The following CUX1 variants were observed in gnomAD, a reference collection of about 807,000 sequenced individuals.
CUX1 encodes cut like homeobox 1.
In CUX1, 31 loss-of-function variants were observed where a neutral mutation model predicts 158.8. The ratio of observed to expected loss-of-function variants is 0.20; its 90% CI spans 0.15 to 0.26. The LOEUF is 0.26. Ranked by LOEUF, CUX1 falls within the 10% of genes least tolerant of loss-of-function variation. The probability of loss-of-function intolerance (pLI) is 1.00; values close to 1 mark genes in which losing one functional copy is unlikely to be tolerated. For synonymous variants in CUX1, 879 were observed against 862.1 expected (o/e 1.02, Z -0.34); for missense variants, 1,589 against 2,014.6 (o/e 0.79, Z 4.04).
chr7:102,189,338 A>C (rs902762557), intron 11 of CUX1, among the ~76,000 whole-genome samples: 14 of 145,634 alleles, frequency 9.6e-5, no homozygotes, highest in African/African-American at 3.5e-4. Flanking sequence ...CACCTCTGCA[A>C]AGATTCTTCC....
intron 1 of CUX1, among the ~76,000 whole-genome samples, chr7:101,829,979 C>T (rs558120993): frequency 2.8e-4 from 43 of 152,312 alleles, no homozygotes; most frequent in African/African-American, 1.0e-3. Context: ...GTCATGGGGC[C>T]GGAGGGGCCC....
intron 1 of CUX1, among the ~76,000 whole-genome samples, chr7:101,905,990 CTT>C (rs748165561): frequency 2.1e-5 from 3 of 145,036 alleles, no homozygotes; most frequent in Non-Finnish European, 4.6e-5. Context: ...GCCCAGCTAA[CTT>C]TTTTTTTTTT....
chr7:101,907,242 C>T (rs565308954), intron 1 of CUX1, among the ~76,000 whole-genome samples: 9 of 152,166 alleles, frequency 5.9e-5, no homozygotes, highest in Non-Finnish European at 1.0e-4. Flanking sequence ...TGCAGCGTTA[C>T]GCAGGAGCAC....
chr7:101,900,242 C>T (rs371180643), intron 1 of CUX1, among the ~76,000 whole-genome samples: 43 of 152,280 alleles, frequency 2.8e-4, no homozygotes, highest in African/African-American at 9.6e-4. Context: ...ATCGCATCTC[C>T]GCTCTTGGCA....
chr7:101,865,482 G>A (rs571230952), intron 1 of CUX1, among the ~76,000 whole-genome samples: 1 of 152,342 alleles, frequency 6.6e-6, no homozygotes, highest in Admixed American at 6.5e-5. Context: ...ACTGTGTGGA[G>A]TTATCATGTT....
At chr7:101,892,587 T>G (rs1279322363) in intron 1 of CUX1, among the ~76,000 whole-genome samples, 1 of 152,226 alleles carries the variant, frequency 6.6e-6, no homozygotes, top group South Asian at 2.1e-4. Flanking sequence ...AGAATGTGAC[T>G]GTTTAATTGA....
chr7:101,854,168 C>G (rs113420336), intron 1 of CUX1, among the ~76,000 whole-genome samples: 1 of 152,118 alleles, frequency 6.6e-6, no homozygotes, highest in African/African-American at 2.4e-5. Context: ...AACTGGATGT[C>G]GGACAATTCT....
At chr7:102,034,751 C>CAA (rs33994794) in intron 3 of CUX1, among the ~76,000 whole-genome samples, 92,699 of 117,558 alleles carry the variant, frequency 0.79, 36,339 homozygotes, top group East Asian at 0.95. Flanking sequence ...GACTCCGTCT[C>CAA]AAAAAAAAAA....
At position 101,947,053 on chromosome 7, in the gene CUX1, TA is replaced by T. The variant is rs1000504326; in HGVS notation, c.141+30829del. On this transcript the variant is annotated intron_variant, in intron 2 of 23. Coordinates refer to ENST00000292535, the MANE Select transcript of CUX1 (RefSeq NM_181552.4). Reference sequence around the variant, plus strand: ...AGTGGAAGTAGGTCCCAAGAACTTTTATTTTAAATGTTTTGATGACAGATTT... The same window carrying T: ...AGTGGAAGTAGGTCCCAAGAACTTTTTTTTAAATGTTTTGATGACAGATTT... Among the ~76,000 whole-genome samples, 28 of 152,340 alleles carry T rather than the reference TA, an allele frequency of 1.8e-4. No individual in the cohort carries two copies. In the East Asian group the frequency reaches 2.5e-3, roughly 14 times the overall value.
intron 20 of CUX1, among the ~76,000 whole-genome samples, chr7:102,216,532 C>CCACACACACACACCCCCCCACACA (rs1797077335): frequency 1.1e-5 from 1 of 88,376 alleles, no homozygotes; most frequent in Non-Finnish European, 2.2e-5. Flanking sequence ...ACACTCTCCC[C>CCACACACACACACCCCCCCACACA]CCCACACACA....
At chr7:102,070,093 GA>G (rs1825964929) in intron 3 of CUX1, among the ~76,000 whole-genome samples, 1 of 152,138 alleles carries the variant, frequency 6.6e-6, no homozygotes, top group South Asian at 2.1e-4. Context: ...CTCTATGGAA[GA>G]CCCACCCAGT....
At chr7:102,037,001 G>T (rs988145396) in intron 3 of CUX1, among the ~76,000 whole-genome samples, 1 of 152,156 alleles carries the variant, frequency 6.6e-6, no homozygotes, top group African/African-American at 2.4e-5. Context: ...GACTAACCTG[G>T]GCAACATGGT....
chr7:102,030,458 G>T (rs933349167), intron 3 of CUX1, among the ~76,000 whole-genome samples: 8 of 151,910 alleles, frequency 5.3e-5, no homozygotes, highest in East Asian at 1.9e-4. Context: ...CACGTGGAAG[G>T]CTCCCGAAGT....
At chr7:102,098,541 G>T (rs1829434109) in intron 5 of CUX1, among the ~76,000 whole-genome samples, 1 of 152,036 alleles carries the variant, frequency 6.6e-6, no homozygotes, top group Non-Finnish European at 1.5e-5. Flanking sequence ...AACCCAGGAG[G>T]TCAAGCCTGC....
intron 14 of CUX1, among the ~76,000 whole-genome samples, chr7:102,265,608 A>G (rs1245199053): frequency 6.6e-6 from 1 of 151,526 alleles, no homozygotes; most frequent in Non-Finnish European, 1.5e-5. Flanking sequence ...CTAATATTTT[A>G]ATTTTTTGTA....
intron 8 of CUX1, among the ~76,000 whole-genome samples, chr7:102,123,289 G>T (rs1832254156): frequency 6.6e-6 from 1 of 151,550 alleles, no homozygotes; most frequent in Admixed American, 6.6e-5. Flanking sequence ...ACATGTTTGT[G>T]AATATAAACA....
At chr7:101,872,139 T>G (rs1302403964) in intron 1 of CUX1, among the ~76,000 whole-genome samples, 1 of 151,952 alleles carries the variant, frequency 6.6e-6, no homozygotes. Context: ...TATTTATTTG[T>G]TTATTTATTT....
chr7:102,167,356 A>G lies in CUX1; in HGVS notation c.724-3090A>G, dbSNP rs139061080. ...AACAGCTAGATCCCTTCTTTTGTGA[A>G]CCATCACCCTGTGATGAGATGGTAT... On this transcript the variant is annotated intron_variant, in intron 9 of 23. Coordinates refer to ENST00000292535, the MANE Select transcript of CUX1 (RefSeq NM_181552.4). Among the ~76,000 whole-genome samples the G allele has an allele frequency of 1.1e-3, 161 of 152,284 alleles. 3 individuals carry two copies. The highest frequency in any genetic ancestry group is 0.01 in the Middle Eastern group (3 of 292).
Position 102,104,450 on chromosome 7 carries a change from A to T in CUX1, c.521A>T (p.Glu174Val). 1 of 1,613,182 alleles carries T rather than the reference A, an allele frequency of 6.2e-7. No homozygotes were observed. Among genetic ancestry groups the T allele is most frequent in the Non-Finnish European group, 8.5e-7 (1 of 1,179,712 alleles). ...KEQKLQNDFA[E>V]KERKLQETQM... ...CAGAAGTTACAGAATGACTTTGCAGAAAAGGAGAGGTGAGCATGACTTCCA... is the reference window on the plus strand; with the variant it reads ...CAGAAGTTACAGAATGACTTTGCAGTAAAGGAGAGGTGAGCATGACTTCCA... The change falls in exon 6 of 24, where the codon GAA (glutamate) becomes GTA (valine). Residue 174 changes from glutamate (E) to valine (V), a missense_variant. Around this residue, in one of 8 missense-constraint regions of CUX1, gnomAD observed 515 missense variants for 574.4 expected, o/e 0.90. Transcript: ENST00000292535.
Sources: allele counts gnomAD v4.1 joint callset (sites outside exome capture counted in the v4.1 genomes callset), GRCh38; gene constraint gnomAD v4.1.1; regional missense constraint gnomAD v4.1.1; transcripts MANE v1.5; gene names NCBI Gene and HGNC (gene_info 2026-07-23, HGNC 2026-07-21).